The following ARHGAP15 variants were observed in gnomAD, a reference collection of about 807,000 sequenced individuals.
The protein encoded by ARHGAP15 is Rho GTPase activating protein 15.
In ARHGAP15, 51 loss-of-function variants were observed where a neutral mutation model predicts 63.7. That is an observed-to-expected ratio of 0.80 (90% CI 0.64 to 1.01). ARHGAP15 has a LOEUF of 1.01. Ranked by LOEUF, ARHGAP15 falls within the 50% of genes least tolerant of loss-of-function variation. The pLI is 0.00. For synonymous variants in ARHGAP15, 191 were observed against 193.8 expected (o/e 0.99, Z 0.12); for missense variants, 560 against 564.6 (o/e 0.99, Z 0.08).
At chr2:143,334,933 C>CTTATT (rs1684705793) in intron 6 of ARHGAP15, among the ~76,000 whole-genome samples, 1 of 152,128 alleles carries the variant, frequency 6.6e-6, no homozygotes, top group Admixed American at 6.5e-5. Flanking sequence ...TATGCACATA[C>CTTATT]TACTGTAAGT....
At chr2:143,462,196 A>T (rs1468424049) in intron 8 of ARHGAP15, among the ~76,000 whole-genome samples, 1 of 152,080 alleles carries the variant, frequency 6.6e-6, no homozygotes, top group Non-Finnish European at 1.5e-5. Context: ...GGTGCACATG[A>T]TATGTAAAGT....
chr2:143,163,085 C>T (rs1300115946), intron 2 of ARHGAP15, among the ~76,000 whole-genome samples: 1 of 151,964 alleles, frequency 6.6e-6, no homozygotes, highest in East Asian at 1.9e-4. Flanking sequence ...TTATCCTTTG[C>T]TTGCTAGCAC....
intron 13 of ARHGAP15, among the ~76,000 whole-genome samples, chr2:143,729,660 C>A (rs574595333): frequency 6.6e-6 from 1 of 152,164 alleles, no homozygotes. Flanking sequence ...CAAATTTTCA[C>A]CTTACAAAGG....
At chr2:143,576,120 A>G (rs1391586691) in intron 11 of ARHGAP15, among the ~76,000 whole-genome samples, 2 of 152,120 alleles carry the variant, frequency 1.3e-5, no homozygotes, top group East Asian at 1.9e-4. Context: ...CCAAATCTCT[A>G]TCTCTTATTT....
rs763395875 is a variant in ARHGAP15, at chr2:143,236,166, A to G, written c.384+7498A>G. On this transcript the variant is annotated intron_variant, in intron 5 of 13. Coordinates refer to ENST00000295095, the MANE Select transcript of ARHGAP15 (RefSeq NM_018460.4). ...TTTGTTTTGTTTTTACATTAGGGGC[A>G]ACAGAAATATTCAAATGAATAGTAT... 1,396 of 562,816 alleles carry G rather than the reference A, an allele frequency of 2.5e-3. 7 individuals are homozygous for G. The highest frequency in any genetic ancestry group is 3.0e-3 in the Non-Finnish European group (1,039 of 341,954). 34.9% of individuals were successfully genotyped at this position (562,816 alleles called of 1,614,324 possible).
chr2:143,307,540 T>G (rs1328657670), intron 6 of ARHGAP15, among the ~76,000 whole-genome samples: 3 of 152,156 alleles, frequency 2.0e-5, no homozygotes, highest in Non-Finnish European at 4.4e-5. Context: ...TAATACATTC[T>G]GATCATTCTG....
At chr2:143,309,394 A>T (rs974426205) in intron 6 of ARHGAP15, among the ~76,000 whole-genome samples, 1 of 152,010 alleles carries the variant, frequency 6.6e-6, no homozygotes, top group African/African-American at 2.4e-5. Flanking sequence ...GTTCAAATCC[A>T]TCTACACCAA....
chr2:143,542,365 G>T (rs576985892), intron 10 of ARHGAP15, among the ~76,000 whole-genome samples: 1 of 151,982 alleles, frequency 6.6e-6, no homozygotes, highest in Non-Finnish European at 1.5e-5. Flanking sequence ...CTCATGCACG[G>T]TGCACTGCAC....
At chr2:143,371,509 C>G (rs898307265) in intron 6 of ARHGAP15, among the ~76,000 whole-genome samples, 1 of 152,136 alleles carries the variant, frequency 6.6e-6, no homozygotes, top group African/African-American at 2.4e-5. Flanking sequence ...CGTCTCCTCT[C>G]CCCACCCCCA....
chr2:143,207,557 C>G (rs1313538407), intron 3 of ARHGAP15, among the ~76,000 whole-genome samples: 2 of 151,588 alleles, frequency 1.3e-5, no homozygotes, highest in Admixed American at 6.6e-5. Flanking sequence ...TTGGAACTAC[C>G]AATCAGCTTA....
At chr2:143,230,960 G>A (rs1357310113) in intron 5 of ARHGAP15, among the ~76,000 whole-genome samples, 1 of 152,010 alleles carries the variant, frequency 6.6e-6, no homozygotes, top group Admixed American at 6.6e-5. Flanking sequence ...AAGAATAAAT[G>A]GTATTTTAGT....
intron 12 of ARHGAP15, among the ~76,000 whole-genome samples, chr2:143,648,523 T>C (rs1451200110): frequency 6.6e-6 from 1 of 152,050 alleles, no homozygotes; most frequent in Non-Finnish European, 1.5e-5. Context: ...AAGCTGGACA[T>C]GTCAAGTCCT....
At chr2:143,515,047 A>G (rs970532209) in intron 9 of ARHGAP15, among the ~76,000 whole-genome samples, 1 of 152,214 alleles carries the variant, frequency 6.6e-6, no homozygotes, top group Middle Eastern at 3.2e-3. Context: ...CATCTAATTC[A>G]GAGAAGACAA....
At chr2:143,396,297 A>G (rs9287351) in intron 6 of ARHGAP15, among the ~76,000 whole-genome samples, 1,817 of 152,226 alleles carry the variant, frequency 0.012, 32 homozygotes, top group African/African-American at 0.041. Flanking sequence ...TTCCATTTCA[A>G]CAGAGTAAGA....
chr2:143,357,413 T>A lies in ARHGAP15; in HGVS notation c.475-78188T>A, dbSNP rs775265698. Among the ~76,000 whole-genome samples the A allele has an allele frequency of 1.3e-3, 204 of 152,238 alleles. 3 individuals are homozygous for A. The highest frequency in any genetic ancestry group is 1.8e-3 in the Non-Finnish European group (120 of 68,014). ...ATACAAAAACACATAATAGCTATTA[T>A]TGATAAATACAAAAAAAGAAAATGT... is the stretch of plus-strand genomic sequence containing the variant. On this transcript the variant is annotated intron_variant, in intron 6 of 13. Coordinates refer to ENST00000295095, the MANE Select transcript of ARHGAP15 (RefSeq NM_018460.4).
At chr2:143,558,817 T>C (rs1695910295) in intron 11 of ARHGAP15, among the ~76,000 whole-genome samples, 1 of 152,182 alleles carries the variant, frequency 6.6e-6, no homozygotes, top group South Asian at 2.1e-4. Context: ...ACCAGTTTTT[T>C]AAATGTTGAT....
At chr2:143,191,084 T>C (rs1402227375) in intron 2 of ARHGAP15, among the ~76,000 whole-genome samples, 1 of 152,234 alleles carries the variant, frequency 6.6e-6, no homozygotes, top group Non-Finnish European at 1.5e-5. Flanking sequence ...ATCTATATTA[T>C]TATTTCTTCT....
chr2:143,417,027 T>G (rs1466943998), intron 6 of ARHGAP15, among the ~76,000 whole-genome samples: 2 of 152,168 alleles, frequency 1.3e-5, no homozygotes. Context: ...GTGGTTGAGG[T>G]GCTCCTTTCC....
chr2:143,676,218 G>A (rs148370685), intron 12 of ARHGAP15: 26 of 152,348 alleles, frequency 1.7e-4, no homozygotes, highest in Admixed American at 7.2e-4. Flanking sequence ...TTGGCTTAAG[G>A]GAATGTTGTG....
Sources: gnomAD v4.1 joint callset for allele counts (sites outside exome capture counted in the v4.1 genomes callset) on GRCh38, gnomAD v4.1.1 for gene constraint, MANE v1.5 for transcripts, NCBI Gene and HGNC (gene_info 2026-07-23, HGNC 2026-07-21) for gene names.